Variants in GREM2 observed in about 807,000 individuals in gnomAD.
The protein encoded by GREM2 is gremlin-2.
Under a neutral mutation model 14.2 loss-of-function variants are expected in GREM2, and 11 were observed. The ratio of observed to expected loss-of-function variants is 0.78; its 90% CI spans 0.49 to 1.28. The LOEUF (loss-of-function observed/expected upper bound fraction) is 1.28. GREM2 is among the 50% of genes most tolerant of loss of function. The probability of loss-of-function intolerance (pLI) is 0.00; values close to 1 mark genes in which losing one functional copy is unlikely to be tolerated. For missense variants in GREM2, 210 were observed against 218.5 expected (o/e 0.96, Z 0.24); for synonymous variants, 98 against 97.6 (o/e 1.00, Z -0.02).
At chr1:240,604,791 T>G (rs1191454373) in intron 1 of GREM2, among the ~76,000 whole-genome samples, 2 of 152,198 alleles carry the variant, frequency 1.3e-5, no homozygotes, top group East Asian at 1.9e-4. Context: ...GACCCATCTC[T>G]TTGTAAAAAG....
At chr1:240,532,684 GATAT>G (rs5782151) in intron 1 of GREM2, among the ~76,000 whole-genome samples, 18,682 of 109,288 alleles carry the variant, frequency 0.17, 1,310 homozygotes, top group Admixed American at 0.25. Flanking sequence ...TAGATAGATA[GATAT>G]ATGGCAAGAA....
chr1:240,582,517 C>T (rs1679504989), intron 1 of GREM2, among the ~76,000 whole-genome samples: 1 of 152,164 alleles, frequency 6.6e-6, no homozygotes, highest in Admixed American at 6.5e-5. Context: ...ATTTGTTGAC[C>T]TGGCCTGGTG....
At chr1:240,590,910 T>A (rs1379723971) in intron 1 of GREM2, among the ~76,000 whole-genome samples, 1 of 152,000 alleles carries the variant, frequency 6.6e-6, no homozygotes, top group Non-Finnish European at 1.5e-5. Flanking sequence ...CTCAGCCTCC[T>A]GAGTGGGATT....
chr1:240,564,183 G>A (rs1387612001), intron 1 of GREM2, among the ~76,000 whole-genome samples: 1 of 152,096 alleles, frequency 6.6e-6, no homozygotes, highest in African/African-American at 2.4e-5. Context: ...ACTCCAGCCT[G>A]GGGGACATAG....
At chr1:240,578,600 T>C (rs1213909543) in intron 1 of GREM2, among the ~76,000 whole-genome samples, 2 of 151,592 alleles carry the variant, frequency 1.3e-5, no homozygotes, top group Non-Finnish European at 2.9e-5. Context: ...GCCTGGACAA[T>C]GTGGTGAAAC....
rs1334962630 is a variant in GREM2, at chr1:240,517,878, A to C, written c.-1-24402T>G. ...CAACTATATTATCAGGAAGTTTATCATCTAGTCAAGAGAAATTCCTTGCTT... is the reference window on the plus strand; with the variant it reads ...CAACTATATTATCAGGAAGTTTATCCTCTAGTCAAGAGAAATTCCTTGCTT... On this transcript the variant is annotated intron_variant, in intron 1 of 1. Coordinates refer to ENST00000318160, the MANE Select transcript of GREM2 (RefSeq NM_022469.4). Among the ~76,000 whole-genome samples the C allele has an allele frequency of 3.3e-5, 5 of 152,336 alleles. No individual in the cohort carries two copies. The East Asian group carries it at 9.6e-4, about 29-fold the overall frequency.
At chr1:240,528,063 T>G (rs1335358002) in intron 1 of GREM2, among the ~76,000 whole-genome samples, 5 of 152,184 alleles carry the variant, frequency 3.3e-5, no homozygotes, top group Non-Finnish European at 7.4e-5. Flanking sequence ...AAAGCTAAGC[T>G]ATGTGCCCGG....
At chr1:240,586,402 G>T (rs1679599827) in intron 1 of GREM2, among the ~76,000 whole-genome samples, 1 of 152,178 alleles carries the variant, frequency 6.6e-6, no homozygotes, top group Non-Finnish European at 1.5e-5. Context: ...AGAACAAATA[G>T]ATCTTTAGAG....
At chr1:240,607,271 G>C (rs919644651) in intron 1 of GREM2, among the ~76,000 whole-genome samples, 1 of 151,906 alleles carries the variant, frequency 6.6e-6, no homozygotes, top group African/African-American at 2.4e-5. Context: ...CTTTCCCCAA[G>C]GATGTGAAAA....
intron 1 of GREM2, chr1:240,589,292 G>A (rs55983410): frequency 0.034 from 5,225 of 152,040 alleles, 141 homozygotes; most frequent in Admixed American, 0.052. Context: ...AAAATTAGCC[G>A]GGCGTGGCGG....
rs547156121 is a variant in GREM2, at chr1:240,526,714, G to A, written c.-1-33238C>T. Among the ~76,000 whole-genome samples the A allele has an allele frequency of 2.6e-5, 4 of 152,234 alleles. No homozygotes were observed. In the South Asian group the frequency reaches 6.2e-4, roughly 24 times the overall value. On this transcript the variant is annotated intron_variant, in intron 1 of 1. Transcript: ENST00000318160. ...CTTCAAGAGCATCTCATAGACAGAC[G>A]CACATTGTTCTTTTGCTGTTCCAAA...
chr1:240,507,477 C>A (rs1456282820), intron 1 of GREM2, among the ~76,000 whole-genome samples: 1 of 152,150 alleles, frequency 6.6e-6, no homozygotes, highest in Non-Finnish European at 1.5e-5. Context: ...GGATTACAGG[C>A]ATGTGCCACC....
At chr1:240,603,411 C>A (rs140560031) in intron 1 of GREM2, among the ~76,000 whole-genome samples, 1 of 152,102 alleles carries the variant, frequency 6.6e-6, no homozygotes, top group Non-Finnish European at 1.5e-5. Context: ...GCCTAAAGAG[C>A]CTCAGTGTTG....
intron 1 of GREM2, among the ~76,000 whole-genome samples, chr1:240,581,745 C>A (rs1011776054): frequency 2.8e-4 from 43 of 152,156 alleles, no homozygotes; most frequent in African/African-American, 1.0e-3. Flanking sequence ...TATATTTAAA[C>A]AGCTGTTTTC....
intron 1 of GREM2, among the ~76,000 whole-genome samples, chr1:240,514,534 A>G (rs12090526): frequency 0.21 from 32,530 of 151,998 alleles, 4,108 homozygotes; most frequent in African/African-American, 0.36. Context: ...AACATATTTA[A>G]ACAGAAACTA....
chr1:240,499,065 G>A (rs977134058), intron 1 of GREM2, among the ~76,000 whole-genome samples: 1 of 152,228 alleles, frequency 6.6e-6, no homozygotes, highest in African/African-American at 2.4e-5. Flanking sequence ...TATTTAGGCA[G>A]CTAAGGAATC....
chr1:240,579,015 A>G (rs1679427982), intron 1 of GREM2, among the ~76,000 whole-genome samples: 1 of 152,096 alleles, frequency 6.6e-6, no homozygotes, highest in African/African-American at 2.4e-5. Flanking sequence ...GCAATTTGGC[A>G]CTTTCTAGGT....
intron 1 of GREM2, among the ~76,000 whole-genome samples, chr1:240,568,785 A>G (rs1052983140): frequency 6.6e-5 from 10 of 152,344 alleles, no homozygotes; most frequent in South Asian, 4.1e-4. Context: ...GAATTTATAA[A>G]AAGATACTAG....
chr1:240,552,583 C>T (rs1007641246), intron 1 of GREM2, among the ~76,000 whole-genome samples: 5 of 152,156 alleles, frequency 3.3e-5, no homozygotes, highest in Non-Finnish European at 7.3e-5. Context: ...AAGACCCTAT[C>T]TCTAAAATCG....
Sources: allele counts gnomAD v4.1 joint callset (sites outside exome capture counted in the v4.1 genomes callset), GRCh38; gene constraint gnomAD v4.1.1; transcripts MANE v1.5; gene names NCBI Gene and HGNC (gene_info 2026-07-23, HGNC 2026-07-21).